The following PLEKHM3 variants were observed in gnomAD, a reference collection of about 807,000 sequenced individuals.
The protein encoded by PLEKHM3 is pleckstrin homology domain containing M3, also known as pleckstrin homology domain-containing family M member 3.
Under a neutral mutation model 81.8 loss-of-function variants are expected in PLEKHM3, and 45 were observed. The observed-to-expected ratio is 0.55, with a 90% CI of 0.43 to 0.71. PLEKHM3 has a LOEUF of 0.71. PLEKHM3 is among the 30% of genes least tolerant of loss of function. The probability of loss-of-function intolerance (pLI) is 0.00; values close to 1 mark genes in which losing one functional copy is unlikely to be tolerated. For missense variants in PLEKHM3, 788 were observed against 924.3 expected (o/e 0.85, Z 1.91); for synonymous variants, 352 against 356.4 (o/e 0.99, Z 0.14).
intron 7 of PLEKHM3, among the ~76,000 whole-genome samples, chr2:207,834,801 T>A (rs1180577001): frequency 6.6e-6 from 1 of 152,160 alleles, no homozygotes; most frequent in Non-Finnish European, 1.5e-5. Context: ...GCCAAGAACC[T>A]CTGGGCTGTT....
chr2:207,909,879 T>C (rs1382316622), intron 5 of PLEKHM3, among the ~76,000 whole-genome samples: 1 of 152,228 alleles, frequency 6.6e-6, no homozygotes, highest in African/African-American at 2.4e-5. Context: ...TCCTAGATAT[T>C]AAATCATTCA....
intron 7 of PLEKHM3, among the ~76,000 whole-genome samples, chr2:207,849,516 C>T (rs967206139): frequency 6.6e-6 from 1 of 152,158 alleles, no homozygotes; most frequent in African/African-American, 2.4e-5. Flanking sequence ...CAGCCTACAC[C>T]TCTGAATTCC....
At chr2:207,978,791 G>C (rs1691416833) in intron 2 of PLEKHM3, among the ~76,000 whole-genome samples, 1 of 152,178 alleles carries the variant, frequency 6.6e-6, no homozygotes, top group Non-Finnish European at 1.5e-5. Flanking sequence ...ACACATGCAT[G>C]CATGCCTGAG....
intron 7 of PLEKHM3, among the ~76,000 whole-genome samples, chr2:207,849,860 G>A (rs1206784821): frequency 6.6e-6 from 1 of 152,202 alleles, no homozygotes; most frequent in African/African-American, 2.4e-5. Flanking sequence ...CAAACAGTAA[G>A]TATTTATGTA....
intron 1 of PLEKHM3, among the ~76,000 whole-genome samples, chr2:208,022,377 G>A (rs1431773021): frequency 6.6e-6 from 1 of 152,146 alleles, no homozygotes; most frequent in Non-Finnish European, 1.5e-5. Flanking sequence ...GACTGGATGG[G>A]CTTGGCTGGG....
At position 207,824,095 on chromosome 2, in the gene PLEKHM3, G is replaced by C. The variant is rs1227868544; in HGVS notation, c.*4224C>G. On this transcript the variant is annotated 3_prime_UTR_variant, in exon 8 of 8. Transcript: ENST00000427836. Reference sequence around the variant, plus strand: ...ACTCAGGGTCGGAAGAGTGATACAAGGTGTGCAACATATGAAGCTCCTAAT... The same window carrying C: ...ACTCAGGGTCGGAAGAGTGATACAACGTGTGCAACATATGAAGCTCCTAAT... The C allele has an allele frequency of 2.0e-5, 3 of 152,204 alleles. No individual in the cohort carries two copies. Among genetic ancestry groups the C allele is most frequent in the African/African-American group, 7.2e-5 (3 of 41,460 alleles). 9.4% of individuals were successfully genotyped at this position (152,204 alleles called of 1,614,324 possible).
intron 5 of PLEKHM3, among the ~76,000 whole-genome samples, chr2:207,922,889 G>C (rs964814320): frequency 2.0e-5 from 3 of 152,166 alleles, no homozygotes; most frequent in Non-Finnish European, 2.9e-5. Flanking sequence ...GAAGAAACCA[G>C]AGAAGGGATC....
At chr2:207,881,682 C>G (rs1332264742) in intron 6 of PLEKHM3, among the ~76,000 whole-genome samples, 1 of 152,244 alleles carries the variant, frequency 6.6e-6, no homozygotes, top group African/African-American at 2.4e-5. Flanking sequence ...GTTCCGTGTT[C>G]TGTCCCGTGA....
intron 1 of PLEKHM3, among the ~76,000 whole-genome samples, chr2:208,023,293 C>T (rs1036330545): frequency 6.9e-6 from 1 of 144,068 alleles, no homozygotes; most frequent in Non-Finnish European, 1.5e-5. Flanking sequence ...CAGGCCTGAG[C>T]CATCATATCC....
chr2:207,913,894 A>G (rs1688892652), intron 5 of PLEKHM3, among the ~76,000 whole-genome samples: 1 of 151,908 alleles, frequency 6.6e-6, no homozygotes, highest in Admixed American at 6.6e-5. Flanking sequence ...AGCTCTTTCA[A>G]ATACACACAT....
chr2:207,985,437 TA>T (rs925219948), intron 2 of PLEKHM3, among the ~76,000 whole-genome samples: 3 of 152,112 alleles, frequency 2.0e-5, no homozygotes, highest in African/African-American at 7.2e-5. Flanking sequence ...AAATACTTAT[TA>T]AATTTTATAA....
chr2:208,002,499 G>A (rs1327026605), intron 1 of PLEKHM3, among the ~76,000 whole-genome samples: 1 of 152,064 alleles, frequency 6.6e-6, no homozygotes, highest in African/African-American at 2.4e-5. Flanking sequence ...GATGACTCTG[G>A]ACTTCAGAAT....
At chr2:207,837,882 T>C (rs1164306912) in intron 7 of PLEKHM3, among the ~76,000 whole-genome samples, 1 of 147,786 alleles carries the variant, frequency 6.8e-6, no homozygotes, top group African/African-American at 2.5e-5. Flanking sequence ...GCGATTCTCC[T>C]GCCTCAGCCT....
chr2:207,864,213 C>G (rs74674946), intron 6 of PLEKHM3, among the ~76,000 whole-genome samples: 2 of 152,258 alleles, frequency 1.3e-5, no homozygotes, highest in East Asian at 3.9e-4. Flanking sequence ...ACTTTTCTCT[C>G]CATTACCTTT....
chr2:207,915,685 T>C (rs1688968625), intron 5 of PLEKHM3, among the ~76,000 whole-genome samples: 1 of 152,198 alleles, frequency 6.6e-6, no homozygotes, highest in African/African-American at 2.4e-5. Flanking sequence ...ATTAAAATGA[T>C]AGCACAACAC....
Position 207,972,603 on chromosome 2 carries a change from A to G in PLEKHM3, c.1546+4048T>C, listed in dbSNP as rs865852922. On this transcript the variant is annotated intron_variant, in intron 3 of 7. Transcript: ENST00000427836. ...CTCCGTCTCAAAAAAAAAAAAAAAA[A>G]AAGAAGACCACTATGGCTGGGGCTT... 1.1e-3 allele frequency among the ~76,000 whole-genome samples: 161 copies of G among 151,910 alleles called. 1 individual carries two copies. The highest frequency in any genetic ancestry group is 3.9e-3 in the African/African-American group (161 of 41,484).
At chr2:207,866,620 T>C (rs2092502505) in intron 6 of PLEKHM3, among the ~76,000 whole-genome samples, 1 of 152,206 alleles carries the variant, frequency 6.6e-6, no homozygotes, top group African/African-American at 2.4e-5. Flanking sequence ...TCCAAACTCA[T>C]TTCGTATTTC....
intron 2 of PLEKHM3, among the ~76,000 whole-genome samples, chr2:207,979,990 C>T (rs1203493505): frequency 6.6e-6 from 1 of 152,156 alleles, no homozygotes; most frequent in Non-Finnish European, 1.5e-5. Flanking sequence ...TCTGATAATG[C>T]AATAAGGGAG....
chr2:207,846,629 G>A (rs577350712), intron 7 of PLEKHM3, among the ~76,000 whole-genome samples: 67 of 152,058 alleles, frequency 4.4e-4, no homozygotes, highest in Non-Finnish European at 7.9e-4. Context: ...AGGCTGAGGT[G>A]AGAGGATCGT....
Sources: allele counts gnomAD v4.1 joint callset (sites outside exome capture counted in the v4.1 genomes callset), GRCh38; gene constraint gnomAD v4.1.1; transcripts MANE v1.5; gene names NCBI Gene and HGNC (gene_info 2026-07-23, HGNC 2026-07-21).